Variants in COL4A2 observed in about 807,000 individuals in gnomAD.
The protein encoded by COL4A2 is collagen type IV alpha 2 chain.
In COL4A2, 99 loss-of-function variants were observed where a neutral mutation model predicts 200.2. The ratio of observed to expected loss-of-function variants is 0.49; its 90% confidence interval spans 0.42 to 0.58. The LOEUF is 0.58. Among genes scored for constraint, COL4A2 ranks in the 20% least tolerant of loss-of-function variants. The pLI is 0.00. For missense variants in COL4A2, 1,950 were observed against 2,314.1 expected (o/e 0.84, Z 3.23); for synonymous variants, 897 against 900.6 (o/e 1.00, Z 0.07).
intron 7 of COL4A2, 100 bp downstream of exon 7, chr13:110,428,683 C>T (rs1366262530): frequency 1.2e-5 from 7 of 598,332 alleles, no homozygotes; most frequent in African/African-American, 5.8e-5. Flanking sequence ...GTGGCCAGAA[C>T]GGAAGCATAA....
chr13:110,414,647 G>A (rs1317690728), intron 4 of COL4A2, among the ~76,000 whole-genome samples: 3 of 152,186 alleles, frequency 2.0e-5, no homozygotes, highest in Non-Finnish European at 2.9e-5. Context: ...AACATCTTAT[G>A]AAGCCTTTGG....
rs1299794883 is a variant in COL4A2 at position 110,465,521 on chromosome 13, A to G, written c.1893A>G (p.Gln631=). 1 of 1,614,042 alleles carries G rather than the reference A, an allele frequency of 6.2e-7. No individual in the cohort carries two copies. The change falls in exon 25 of 48, where the codon CAA becomes CAG. Residue 631 remains glutamine (Q), a synonymous_variant. Coordinates refer to ENST00000360467, the MANE Select transcript of COL4A2 (RefSeq NM_001846.4). ...PGLGLPGLKG[Q]RGFPGDAGLP... ...TGGGCCTTCCCGGCCTCAAAGGCCA[A>G]CGTGGTTTCCCTGGAGACGCCGGCT...
chr13:110,499,913 T>C (rs574118978), intron 40 of COL4A2, among the ~76,000 whole-genome samples: 19 of 152,336 alleles, frequency 1.2e-4, no homozygotes, highest in Admixed American at 7.8e-4. Flanking sequence ...CTGTTTCGGG[T>C]ACTTTGTGAC....
chr13:110,385,493 C>T (rs375921410), intron 4 of COL4A2, among the ~76,000 whole-genome samples: 39 of 95,588 alleles, frequency 4.1e-4, no homozygotes, highest in South Asian at 1.6e-3. Context: ...GTGGATAGGC[C>T]GTGGTTACAG....
At chr13:110,392,873 A>T (rs545000029) in intron 4 of COL4A2, among the ~76,000 whole-genome samples, 37 of 152,336 alleles carry the variant, frequency 2.4e-4, no homozygotes, top group African/African-American at 8.4e-4. Context: ...TTAAGAAATA[A>T]TTGTATTAAG....
chr13:110,489,438 T>G lies in COL4A2; in HGVS notation c.3208-7T>G, dbSNP rs1307475144. On this transcript the variant is annotated splice_region_variant and splice_polypyrimidine_tract_variant and intron_variant, in intron 34 of 47. Coordinates refer to ENST00000360467, the MANE Select transcript of COL4A2 (RefSeq NM_001846.4). ...AGCCTTCTAAGATGGTTCATGTCTG[T>G]CTTTAGGGTGACAAAGGTGCCCCAG... 4 of 1,614,072 alleles carry G rather than the reference T, an allele frequency of 2.5e-6. No individual in the cohort carries two copies. The South Asian group carries it at 4.4e-5, about 18-fold the overall frequency.
intron 33 of COL4A2, among the ~76,000 whole-genome samples, chr13:110,485,406 C>G (rs1003192426): frequency 6.6e-6 from 1 of 151,644 alleles, no homozygotes; most frequent in East Asian, 1.9e-4. Flanking sequence ...GCCTGTAGTC[C>G]CAACTACTTA....
chr13:110,466,084 G>A, intron 26 of COL4A2, 22 bp downstream of exon 26: 1 of 1,609,396 alleles, frequency 6.2e-7, no homozygotes, highest in Non-Finnish European at 8.5e-7. Context: ...AGTGCAGGTG[G>A]CTTTAGGACA....
In COL4A2 at chr13:110,469,317, A is replaced by G; in HGVS notation, c.2196A>G (p.Gly732=). 6.3e-7 allele frequency: 1 copy of G among 1,580,340 alleles called. No individual in the cohort carries two copies. Among genetic ancestry groups the G allele is most frequent in the Non-Finnish European group, 8.6e-7 (1 of 1,163,024 alleles). Residue 732 remains glycine (G), a synonymous_variant, in exon 28 of 48, where the codon GGA becomes GGG. Transcript: ENST00000360467. ...PGDAGREGFP[G]PPGFIGPRGS... The stretch of plus-strand genomic sequence containing the variant: ...ACGCAGGTCGTGAAGGGTTCCCAGG[A>G]CCCCCAGGTGAGTTGAGATCAGACC...
At chr13:110,475,795 G>T (rs1882681865) in intron 29 of COL4A2, among the ~76,000 whole-genome samples, 1 of 152,258 alleles carries the variant, frequency 6.6e-6, no homozygotes, top group African/African-American at 2.4e-5. Flanking sequence ...CTCTCGGAAT[G>T]AAGTAATGCA....
At chr13:110,331,279 G>A (rs753772242) in intron 3 of COL4A2, among the ~76,000 whole-genome samples, 1 of 152,082 alleles carries the variant, frequency 6.6e-6, no homozygotes, top group African/African-American at 2.4e-5. Flanking sequence ...GTAAGAACAG[G>A]GTTATTTGAG....
At chr13:110,488,689 T>C (rs1054309486) in intron 34 of COL4A2, among the ~76,000 whole-genome samples, 2 of 152,216 alleles carry the variant, frequency 1.3e-5, no homozygotes, top group African/African-American at 4.8e-5. Context: ...CTTTCTGTGC[T>C]TCAGTTCCTT....
At chr13:110,453,121 A>C (rs572985030) in intron 20 of COL4A2, among the ~76,000 whole-genome samples, 34 of 152,302 alleles carry the variant, frequency 2.2e-4, no homozygotes, top group African/African-American at 7.9e-4. Flanking sequence ...TTCTATGAGC[A>C]TTATATTTCC....
At chr13:110,405,443 AC>A (rs1355180095) in intron 4 of COL4A2, among the ~76,000 whole-genome samples, 5 of 78,646 alleles carry the variant, frequency 6.4e-5, no homozygotes, top group Non-Finnish European at 1.3e-4. Context: ...CCCGGCCCCC[AC>A]CCCTTCCTGC....
chr13:110,356,218 G>T (rs1023862683), intron 3 of COL4A2, among the ~76,000 whole-genome samples: 8 of 152,294 alleles, frequency 5.3e-5, no homozygotes, highest in Non-Finnish European at 7.4e-5. Context: ...ACTTAAGGTT[G>T]TATCTCCTTC....
At chr13:110,455,274 C>T (rs1881682826) in intron 20 of COL4A2, among the ~76,000 whole-genome samples, 1 of 152,168 alleles carries the variant, frequency 6.6e-6, no homozygotes, top group South Asian at 2.1e-4. Flanking sequence ...ATCTGCCCTT[C>T]ACTCACCACT....
intron 14 of COL4A2, 27 bp from the exon 15 acceptor site, chr13:110,438,591 C>G: frequency 1.9e-6 from 3 of 1,614,150 alleles, no homozygotes; most frequent in Non-Finnish European, 2.5e-6. Context: ...CTGGGTTGCT[C>G]CTTACGCCCC....
chr13:110,379,504 CA>C (rs1487632400), intron 4 of COL4A2, among the ~76,000 whole-genome samples: 1 of 152,172 alleles, frequency 6.6e-6, no homozygotes, highest in Admixed American at 6.5e-5. Context: ...ATTGAGGAGC[CA>C]GGGGCGCCGG....
intron 40 of COL4A2, among the ~76,000 whole-genome samples, chr13:110,497,658 G>A (rs969095764): frequency 1.3e-5 from 2 of 151,580 alleles, no homozygotes; most frequent in African/African-American, 4.8e-5. Context: ...CCTCCACTCA[G>A]GACTGAGGAT....
Sources: allele counts gnomAD v4.1 joint callset (sites outside exome capture counted in the v4.1 genomes callset), GRCh38; gene constraint gnomAD v4.1.1; transcripts MANE v1.5; gene names NCBI Gene and HGNC (gene_info 2026-07-23, HGNC 2026-07-21).